The following MLLT10 variants were observed in gnomAD, a reference collection of about 807,000 sequenced individuals.
MLLT10 encodes protein AF-10.
In MLLT10, 30 loss-of-function variants were observed where a neutral mutation model predicts 129.1. The ratio of observed to expected loss-of-function variants is 0.23; its 90% CI spans 0.17 to 0.32. The LOEUF (loss-of-function observed/expected upper bound fraction) is 0.32. Ranked by LOEUF, MLLT10 falls within the 10% of genes least tolerant of loss-of-function variation. The pLI, the probability that MLLT10 is intolerant of heterozygous loss-of-function variation, is 1.00. For missense variants in MLLT10, 1,119 were observed against 1,268.3 expected, an observed-to-expected ratio of 0.88 and a Z score of 1.79; for synonymous variants, 490 against 446.4, an observed-to-expected ratio of 1.10 and a Z score of -1.23.
chr10:21,544,683 T>G (rs970809956), intron 3 of MLLT10, among the ~76,000 whole-genome samples: 1 of 152,068 alleles, frequency 6.6e-6, no homozygotes, highest in African/African-American at 2.4e-5. Context: ...AAATGGATGT[T>G]AGGTAAAGGG....
intron 13 of MLLT10, among the ~76,000 whole-genome samples, chr10:21,702,222 G>T (rs1323310197): frequency 6.6e-6 from 1 of 152,116 alleles, no homozygotes; most frequent in East Asian, 1.9e-4. Context: ...ACTGTGCCTG[G>T]CTATGTTATT....
intron 9 of MLLT10, chr10:21,669,062 G>T: frequency 2.2e-6 from 3 of 1,362,754 alleles, no homozygotes; most frequent in Non-Finnish European, 2.9e-6. Context: ...AGTAAGCCAT[G>T]AAGTTTCATC....
Position 21,650,515 on chromosome 10 carries a change from A to G in MLLT10, c.700-1158A>G, listed in dbSNP as rs2048919419. Among the ~76,000 whole-genome samples the G allele has an allele frequency of 3.9e-5, 6 of 152,150 alleles. 2 individuals are homozygous for G. Among genetic ancestry groups the G allele is most frequent in the African/African-American group, 1.4e-4 (6 of 41,534 alleles). Reference sequence around the variant, plus strand: ...AGTAAAACATCTGTCTTTAATTTGTATGCATTGTGTTCTGCTTGTATGTAA... The same window carrying G: ...AGTAAAACATCTGTCTTTAATTTGTGTGCATTGTGTTCTGCTTGTATGTAA... On this transcript the variant is annotated intron_variant, in intron 8 of 22. Transcript: ENST00000307729.
chr10:21,592,885 A>G (rs1372485768), intron 4 of MLLT10, among the ~76,000 whole-genome samples: 1 of 152,172 alleles, frequency 6.6e-6, no homozygotes, highest in Admixed American at 6.5e-5. Flanking sequence ...ATCAATTCAG[A>G]TAATGCTTTC....
chr10:21,613,025 C>A (rs1158567188), intron 6 of MLLT10, among the ~76,000 whole-genome samples: 1 of 151,856 alleles, frequency 6.6e-6, no homozygotes, highest in Non-Finnish European at 1.5e-5. Context: ...AAAACCGTGT[C>A]TCTACTAAAA....
chr10:21,733,027 C>A lies in MLLT10; in HGVS notation c.2347C>A (p.Pro783Thr), dbSNP rs959513779. ...LLNAQLSVPFPTITANPSPSH... is the reference protein window; with the variant it reads ...LLNAQLSVPFTTITANPSPSH... Reference sequence around the variant, plus strand: ...GAATGCACAGCTTTCAGTGCCTTTTCCAACAATAACAGCAAATCCTAGTCC... The same window carrying A: ...GAATGCACAGCTTTCAGTGCCTTTTACAACAATAACAGCAAATCCTAGTCC... Residue 783 changes from proline to threonine, a missense_variant, in exon 18 of 23, where the codon CCA (proline) becomes ACA (threonine). By Grantham distance (38) the Pro-to-Thr change is conservative (BLOSUM62 -1). Transcript: ENST00000307729. 1.2e-6 allele frequency: 2 copies of A among 1,613,598 alleles called. No homozygotes were observed. Among genetic ancestry groups the A allele is most frequent in the Admixed American group, 1.7e-5 (1 of 59,938 alleles).
At chr10:21,537,336 C>T (rs1201131231) in intron 2 of MLLT10, among the ~76,000 whole-genome samples, 4 of 151,928 alleles carry the variant, frequency 2.6e-5, no homozygotes, top group Admixed American at 6.6e-5. Flanking sequence ...CTCCCTCTGT[C>T]GCCCAGGCTG....
chr10:21,702,084 G>C (rs1298074261), intron 13 of MLLT10, among the ~76,000 whole-genome samples: 3 of 151,782 alleles, frequency 2.0e-5, no homozygotes, highest in Non-Finnish European at 4.4e-5. Context: ...CCACCACCAT[G>C]CCCAGCTAAT....
At position 21,733,762 on chromosome 10, in the gene MLLT10, C is replaced by T. The variant is rs575907801; in HGVS notation, c.2497-6C>T. The stretch of plus-strand genomic sequence containing the variant: ...TGGACTTAGTTTCTCTTCTTTCTTA[C>T]GCTAGGACTTAACCTCCAGTGGACA... On this transcript the variant is annotated splice_polypyrimidine_tract_variant and splice_region_variant and intron_variant, in intron 19 of 22. Transcript: ENST00000307729. The T allele has an allele frequency of 8.4e-5, 135 of 1,605,244 alleles. No homozygotes were observed. The highest frequency in any genetic ancestry group is 5.4e-4 in the Admixed American group (32 of 59,352).
chr10:21,626,606 C>T (rs1488451273), intron 8 of MLLT10, among the ~76,000 whole-genome samples: 3 of 152,162 alleles, frequency 2.0e-5, no homozygotes, highest in African/African-American at 7.2e-5. Context: ...CAAATTTCAA[C>T]ATGAGTTTTG....
intron 8 of MLLT10, among the ~76,000 whole-genome samples, chr10:21,630,760 G>C (rs2046921173): frequency 6.6e-6 from 1 of 152,198 alleles, no homozygotes; most frequent in Non-Finnish European, 1.5e-5. Context: ...AAACTGTGGT[G>C]AACTAACTTG....
chr10:21,631,313 CAAAA>C (rs991306894), intron 8 of MLLT10, among the ~76,000 whole-genome samples: 1 of 47,776 alleles, frequency 2.1e-5, no homozygotes, highest in Non-Finnish European at 4.5e-5. Context: ...GACTCCGTCT[CAAAA>C]AAAAAAAAAA....
intron 3 of MLLT10, among the ~76,000 whole-genome samples, chr10:21,544,921 G>A (rs572909960): frequency 6.6e-6 from 1 of 152,312 alleles, no homozygotes; most frequent in African/African-American, 2.4e-5. Flanking sequence ...CGAGGCGGGC[G>A]GATCACCTGA....
intron 13 of MLLT10, among the ~76,000 whole-genome samples, chr10:21,713,480 T>C (rs1030035286): frequency 1.3e-5 from 2 of 152,230 alleles, no homozygotes; most frequent in African/African-American, 4.8e-5. Flanking sequence ...TTTCTTGCTC[T>C]TAGAAACTCC....
intron 9 of MLLT10, among the ~76,000 whole-genome samples, chr10:21,660,873 A>G (rs1450831902): frequency 1.2e-5 from 1 of 82,770 alleles, no homozygotes; most frequent in Admixed American, 1.4e-4. Context: ...CTCTGTCTCA[A>G]AAAAAAAAAA....
At chr10:21,663,006 A>G (rs1034101808) in intron 9 of MLLT10, among the ~76,000 whole-genome samples, 1 of 152,200 alleles carries the variant, frequency 6.6e-6, no homozygotes, top group African/African-American at 2.4e-5. Context: ...GGCTCTGACA[A>G]AAACCTCCAC....
chr10:21,657,628 A>G (rs976763653), intron 9 of MLLT10, among the ~76,000 whole-genome samples: 2 of 152,074 alleles, frequency 1.3e-5, no homozygotes, highest in South Asian at 2.1e-4. Flanking sequence ...ATAGCTCACA[A>G]TTTTTAGTTG....
At chr10:21,683,890 C>T (rs1329613771) in intron 13 of MLLT10, among the ~76,000 whole-genome samples, 2 of 152,012 alleles carry the variant, frequency 1.3e-5, no homozygotes, top group African/African-American at 4.8e-5. Context: ...GCGTGAGCCA[C>T]GATGCCCAGC....
intron 8 of MLLT10, among the ~76,000 whole-genome samples, chr10:21,634,854 G>A (rs2047315840): frequency 6.6e-6 from 1 of 152,202 alleles, no homozygotes; most frequent in African/African-American, 2.4e-5. Flanking sequence ...GCCAATGGGA[G>A]TCCTTCAACT....
Sources: gnomAD v4.1 joint callset for allele counts (sites outside exome capture counted in the v4.1 genomes callset) on GRCh38, gnomAD v4.1.1 for gene constraint, MANE v1.5 for transcripts, NCBI Gene and HGNC (gene_info 2026-07-23, HGNC 2026-07-21) for gene names.